The following B3GALT1 variants were observed in gnomAD, a reference collection of about 807,000 sequenced individuals.
The protein encoded by B3GALT1 is beta-1,3-galactosyltransferase 1, also known as UDP-Gal:betaGlcNAc beta 1,3-galactosyltransferase, polypeptide 1.
A neutral mutation model predicts 23.2 loss-of-function variants in B3GALT1; 10 were observed. The ratio of observed to expected loss-of-function variants is 0.43; its 90% CI spans 0.27 to 0.73. B3GALT1 has a LOEUF of 0.73. Among genes scored for constraint, B3GALT1 ranks in the 30% least tolerant of loss-of-function variants. B3GALT1 has a pLI of 0.21. For synonymous variants in B3GALT1, 156 were observed against 141.5 expected (o/e 1.10, Z -0.73); for missense variants, 299 against 405.4 (o/e 0.74, Z 2.25).
intron 1 of B3GALT1, among the ~76,000 whole-genome samples, chr2:167,445,417 C>T (rs181979104): frequency 5.9e-5 from 9 of 152,234 alleles, no homozygotes; most frequent in South Asian, 2.1e-4. Flanking sequence ...TCCTGGATAT[C>T]GTTGTTAACT....
chr2:167,534,231 TC>T (rs1437569804), intron 2 of B3GALT1, among the ~76,000 whole-genome samples: 2 of 152,170 alleles, frequency 1.3e-5, no homozygotes, highest in East Asian at 3.8e-4. Context: ...CTCTTTTCTT[TC>T]CCTCTGGAAT....
intron 3 of B3GALT1, among the ~76,000 whole-genome samples, chr2:167,694,396 A>G (rs915114651): frequency 3.3e-5 from 5 of 152,136 alleles, no homozygotes; most frequent in African/African-American, 9.7e-5. Flanking sequence ...AGAGAGGTCA[A>G]ATAATCAAGT....
chr2:167,723,411 A>T (rs1558959857), intron 3 of B3GALT1, among the ~76,000 whole-genome samples: 2 of 152,248 alleles, frequency 1.3e-5, no homozygotes, highest in Admixed American at 1.3e-4. Flanking sequence ...GATGTATTTT[A>T]AAATGCTGTT....
intron 1 of B3GALT1, among the ~76,000 whole-genome samples, chr2:167,331,517 C>A (rs1202745454): frequency 2.6e-5 from 4 of 152,164 alleles, no homozygotes; most frequent in African/African-American, 9.7e-5. Context: ...GTCCCTGGAC[C>A]TGCAGGTGGC....
intron 2 of B3GALT1, among the ~76,000 whole-genome samples, chr2:167,510,401 A>AGTTTT (rs1467032194): frequency 1.4e-5 from 2 of 145,634 alleles, no homozygotes; most frequent in African/African-American, 2.6e-5. Context: ...CATGATTGCA[A>AGTTTT]GTTTTGTTTT....
At chr2:167,366,421 A>G (rs994809245) in intron 1 of B3GALT1, among the ~76,000 whole-genome samples, 1 of 152,192 alleles carries the variant, frequency 6.6e-6, no homozygotes, top group Non-Finnish European at 1.5e-5. Flanking sequence ...TCTGTACAAC[A>G]TCCCTGTGGG....
chr2:167,406,297 G>T (rs1057428210), intron 1 of B3GALT1, among the ~76,000 whole-genome samples: 15 of 151,962 alleles, frequency 9.9e-5, no homozygotes, highest in African/African-American at 3.4e-4. Flanking sequence ...TTCCAAAATG[G>T]CAGTATAGAA....
At chr2:167,819,363 G>A (rs376566458) in intron 4 of B3GALT1, among the ~76,000 whole-genome samples, 2 of 152,088 alleles carry the variant, frequency 1.3e-5, no homozygotes, top group African/African-American at 4.8e-5. Flanking sequence ...GAAAATGATG[G>A]TACAGTTATT....
chr2:167,556,673 C>T (rs559938830), intron 2 of B3GALT1, among the ~76,000 whole-genome samples: 60 of 152,264 alleles, frequency 3.9e-4, no homozygotes, highest in Middle Eastern at 3.4e-3. Flanking sequence ...TAGGAAACAA[C>T]GCAGTGAGTA....
intron 2 of B3GALT1, among the ~76,000 whole-genome samples, chr2:167,618,364 A>G (rs1173101755): frequency 1.3e-5 from 2 of 152,044 alleles, no homozygotes; most frequent in African/African-American, 4.8e-5. Flanking sequence ...GTACTCAACT[A>G]TTGACATTTT....
intron 2 of B3GALT1, among the ~76,000 whole-genome samples, chr2:167,602,967 A>C (rs1230971419): frequency 1.3e-5 from 2 of 152,162 alleles, no homozygotes; most frequent in Non-Finnish European, 2.9e-5. Flanking sequence ...CTACATCCAC[A>C]TGAGTGAAGC....
chr2:167,527,817 A>G (rs1683247878), intron 2 of B3GALT1, among the ~76,000 whole-genome samples: 1 of 152,196 alleles, frequency 6.6e-6, no homozygotes, highest in Non-Finnish European at 1.5e-5. Flanking sequence ...CTAGCTGCAT[A>G]TGTAACGGCA....
intron 1 of B3GALT1, among the ~76,000 whole-genome samples, chr2:167,431,379 T>G (rs1477355907): frequency 1.3e-5 from 2 of 152,196 alleles, no homozygotes; most frequent in Admixed American, 1.3e-4. Context: ...GGAGTTTTAA[T>G]TTTAAAGTAA....
At chr2:167,406,694 A>AG (rs1465729686) in intron 1 of B3GALT1, among the ~76,000 whole-genome samples, 2 of 152,192 alleles carry the variant, frequency 1.3e-5, no homozygotes, top group Admixed American at 6.5e-5. Context: ...GAGACAAAGG[A>AG]GGGGGCAGGA....
At chr2:167,531,356 A>G (rs1447023624) in intron 2 of B3GALT1, among the ~76,000 whole-genome samples, 1 of 152,074 alleles carries the variant, frequency 6.6e-6, no homozygotes, top group Non-Finnish European at 1.5e-5. Context: ...TAAATGAAGG[A>G]CGGGACTTCT....
At chr2:167,659,145 G>C (rs1011083226) in intron 3 of B3GALT1, among the ~76,000 whole-genome samples, 3 of 151,732 alleles carry the variant, frequency 2.0e-5, no homozygotes, top group African/African-American at 7.3e-5. Flanking sequence ...CCAACTCAGA[G>C]ATATAAACAA....
intron 2 of B3GALT1, among the ~76,000 whole-genome samples, chr2:167,570,438 A>G (rs1432088654): frequency 1.3e-5 from 2 of 151,904 alleles, no homozygotes; most frequent in East Asian, 3.8e-4. Flanking sequence ...GTGAGCGTAC[A>G]GTTGTTCATG....
chr2:167,369,037 G>A lies in B3GALT1; in HGVS notation c.-511+75703G>A, dbSNP rs75693927. Among the ~76,000 whole-genome samples, 107 of 150,998 alleles carry A rather than the reference G, an allele frequency of 7.1e-4. 1 individual carries two copies. The East Asian group carries it at 0.017, about 24-fold the overall frequency. ...TTTTTAATCCAAATAAAATATTTTT[G>A]TATTGGGAAGATAAAACTCTTATTT... On this transcript the variant is annotated intron_variant, in intron 1 of 4. Coordinates refer to ENST00000392690, the MANE Select transcript of B3GALT1 (RefSeq NM_020981.4).
chr2:167,834,183 T>A (rs1396497308), intron 4 of B3GALT1, among the ~76,000 whole-genome samples: 2 of 152,230 alleles, frequency 1.3e-5, no homozygotes, highest in African/African-American at 4.8e-5. Context: ...TCATCATGTC[T>A]TTATACTCAG....
Sources: allele counts gnomAD v4.1 joint callset (sites outside exome capture counted in the v4.1 genomes callset), GRCh38; gene constraint gnomAD v4.1.1; transcripts MANE v1.5; gene names NCBI Gene and HGNC (gene_info 2026-07-23, HGNC 2026-07-21).